The following ROCK2 variants were observed in gnomAD, a reference collection of about 807,000 sequenced individuals.
ROCK2 encodes the protein Rho associated coiled-coil containing protein kinase 2.
Under a neutral mutation model 195.1 loss-of-function variants are expected in ROCK2, and 61 were observed. That is an observed-to-expected ratio of 0.31 (90% CI 0.25 to 0.39). The LOEUF (loss-of-function observed/expected upper bound fraction) is 0.39, where lower values mean the gene tolerates loss of function less well. Ranked by LOEUF, ROCK2 falls within the 10% of genes least tolerant of loss-of-function variation. ROCK2 has a pLI of 1.00. For synonymous variants in ROCK2, 504 were observed against 545.5 expected (o/e 0.92, Z 1.06); for missense variants, 1,109 against 1,637.4 (o/e 0.68, Z 5.57).
chr2:11,238,236 G>GTGTGTGTGTGTGTGTGTGTGTGTGTGTC (rs1558317265), intron 4 of ROCK2, among the ~76,000 whole-genome samples: 1 of 151,004 alleles, frequency 6.6e-6, no homozygotes, highest in African/African-American at 2.5e-5. Context: ...GTGTGTGTGT[G>GTGTGTGTGTGTGTGTGTGTGTGTGTGTC]TGTGTCTGTT....
intron 3 of ROCK2, among the ~76,000 whole-genome samples, chr2:11,261,336 A>G (rs1366155780): frequency 6.6e-6 from 1 of 152,238 alleles, no homozygotes; most frequent in Non-Finnish European, 1.5e-5. Flanking sequence ...ACTTTAGCAA[A>G]GCTGGTTTCC....
At chr2:11,247,416 G>A (rs191716902) in intron 4 of ROCK2, among the ~76,000 whole-genome samples, 6 of 152,256 alleles carry the variant, frequency 3.9e-5, no homozygotes, top group Admixed American at 3.9e-4. Flanking sequence ...AATGGTGCAT[G>A]GAATGTTGTT....
At chr2:11,216,318 A>C (rs981433490) in intron 12 of ROCK2, 112 bp from the exon 13 acceptor site, 3 of 812,088 alleles carry the variant, frequency 3.7e-6, no homozygotes, top group Non-Finnish European at 6.0e-6. Flanking sequence ...TATTTTTCTG[A>C]GACGAAGTCT....
At chr2:11,343,208 T>C (rs1669162140) in intron 1 of ROCK2, among the ~76,000 whole-genome samples, 1 of 152,210 alleles carries the variant, frequency 6.6e-6, no homozygotes, top group Non-Finnish European at 1.5e-5. Flanking sequence ...AATACAATCA[T>C]CTATCCTAAC....
intron 1 of ROCK2, among the ~76,000 whole-genome samples, chr2:11,315,496 C>G (rs1375539476): frequency 6.6e-6 from 1 of 151,750 alleles, no homozygotes; most frequent in Non-Finnish European, 1.5e-5. Flanking sequence ...TTATCTGAGT[C>G]GGCATAATAT....
At chr2:11,204,620 A>C (rs11694729) in intron 20 of ROCK2, among the ~76,000 whole-genome samples, 122,983 of 152,094 alleles carry the variant, frequency 0.81, 51,317 homozygotes, top group East Asian at 0.99. Context: ...ACCTTCCATG[A>C]CATTTCTTCT....
intron 1 of ROCK2, among the ~76,000 whole-genome samples, chr2:11,334,510 C>CAAAAAAAAA (rs34182610): frequency 1.1e-5 from 1 of 89,648 alleles, no homozygotes; most frequent in African/African-American, 4.4e-5. Context: ...GACTCTGTCT[C>CAAAAAAAAA]AAAAAAAAAA....
intron 4 of ROCK2, among the ~76,000 whole-genome samples, chr2:11,247,852 T>C (rs1665673305): frequency 6.6e-6 from 1 of 151,846 alleles, no homozygotes; most frequent in Non-Finnish European, 1.5e-5. Flanking sequence ...AGACCCCGTC[T>C]CTCTACTAAA....
At chr2:11,332,485 A>C (rs1209930903) in intron 1 of ROCK2, among the ~76,000 whole-genome samples, 2 of 152,242 alleles carry the variant, frequency 1.3e-5, no homozygotes, top group Admixed American at 6.5e-5. Flanking sequence ...ATGACACATT[A>C]GCAAAAATCA....
At chr2:11,307,746 T>C (rs1424179602) in intron 1 of ROCK2, among the ~76,000 whole-genome samples, 3 of 152,200 alleles carry the variant, frequency 2.0e-5, no homozygotes, top group African/African-American at 4.8e-5. Context: ...ATCCACTGAT[T>C]CAACAATCAG....
chr2:11,204,279 A>G (rs1663967369), intron 20 of ROCK2, among the ~76,000 whole-genome samples: 1 of 152,068 alleles, frequency 6.6e-6, no homozygotes. Flanking sequence ...ATATAGTTGT[A>G]TCACTCATCT....
intron 7 of ROCK2, among the ~76,000 whole-genome samples, chr2:11,223,769 G>A (rs1305741037): frequency 2.0e-5 from 3 of 152,072 alleles, no homozygotes; most frequent in Non-Finnish European, 2.9e-5. Flanking sequence ...ACAAAGAAGA[G>A]AAATCAAATA....
At chr2:11,223,190 C>T (rs928566664) in intron 7 of ROCK2, among the ~76,000 whole-genome samples, 2 of 152,098 alleles carry the variant, frequency 1.3e-5, no homozygotes, top group African/African-American at 4.8e-5. Context: ...AGTTTATCAG[C>T]ACCAACTGCT....
intron 1 of ROCK2, among the ~76,000 whole-genome samples, chr2:11,310,517 T>C (rs2148229962): frequency 6.6e-6 from 1 of 152,290 alleles, no homozygotes; most frequent in African/African-American, 2.4e-5. Flanking sequence ...ATTCCGAATA[T>C]GAACAGCAAA....
chr2:11,289,367 A>G (rs1667293248), intron 1 of ROCK2, among the ~76,000 whole-genome samples: 1 of 152,172 alleles, frequency 6.6e-6, no homozygotes, highest in Admixed American at 6.5e-5. Flanking sequence ...ATGTATCTTT[A>G]TTAGTATAAT....
chr2:11,220,280 G>A (rs1437856854), intron 9 of ROCK2, among the ~76,000 whole-genome samples: 1 of 151,700 alleles, frequency 6.6e-6, no homozygotes, highest in East Asian at 1.9e-4. Context: ...AGCCTCCAAA[G>A]TGCTGGGATT....
intron 3 of ROCK2, among the ~76,000 whole-genome samples, chr2:11,255,289 C>T (rs1239483287): frequency 1.4e-5 from 2 of 144,632 alleles, no homozygotes; most frequent in African/African-American, 5.3e-5. Context: ...AAGTATAAAA[C>T]AGCCTGCAAG....
At chr2:11,336,496 C>T (rs572252212) in intron 1 of ROCK2, among the ~76,000 whole-genome samples, 215 of 152,264 alleles carry the variant, frequency 1.4e-3, no homozygotes, top group African/African-American at 5.1e-3. Flanking sequence ...AGCAATCCTC[C>T]CAACTCAGCC....
At chr2:11,218,571 T>G (rs1003310903) in intron 10 of ROCK2, 105 bp from the exon 11 acceptor site, 13 of 746,656 alleles carry the variant, frequency 1.7e-5, no homozygotes, top group Non-Finnish European at 2.7e-5. Context: ...ACCTAATGCT[T>G]TAGCTTTCAT....
Sources: gnomAD v4.1 joint callset for allele counts (sites outside exome capture counted in the v4.1 genomes callset) on GRCh38, gnomAD v4.1.1 for gene constraint, MANE v1.5 for transcripts, NCBI Gene and HGNC (gene_info 2026-07-23, HGNC 2026-07-21) for gene names.